The following COL25A1 variants were observed in gnomAD, a reference collection of about 807,000 sequenced individuals.
COL25A1 encodes the protein collagen type XXV alpha 1 chain, also known as collagen alpha-1(XXV) chain.
A neutral mutation model predicts 128.4 loss-of-function variants in COL25A1; 103 were observed. The ratio of observed to expected loss-of-function variants is 0.80; its 90% CI spans 0.68 to 0.94. The LOEUF (loss-of-function observed/expected upper bound fraction) is 0.94. Ranked by LOEUF, COL25A1 falls within the 40% of genes least tolerant of loss-of-function variation. COL25A1 has a pLI of 0.00. For synonymous variants in COL25A1, 279 were observed against 277.2 expected (o/e 1.01, Z -0.06); for missense variants, 745 against 840.0 (o/e 0.89, Z 1.40).
At chr4:108,937,373 A>C (rs1336671788) in intron 11 of COL25A1, among the ~76,000 whole-genome samples, 2 of 152,156 alleles carry the variant, frequency 1.3e-5, no homozygotes, top group African/African-American at 4.8e-5. Flanking sequence ...AAAAGGCACA[A>C]CGATTTTTCT....
intron 3 of COL25A1, among the ~76,000 whole-genome samples, chr4:109,294,130 G>A (rs1467004308): frequency 7.2e-5 from 11 of 152,052 alleles, no homozygotes; most frequent in Admixed American, 6.6e-4. Context: ...ATTGCAAACA[G>A]AAGTCAAAAG....
intron 3 of COL25A1, among the ~76,000 whole-genome samples, chr4:109,145,980 C>CAAAT (rs1388436808): frequency 6.6e-6 from 1 of 152,114 alleles, no homozygotes; most frequent in Non-Finnish European, 1.5e-5. Context: ...GGTAATTGTG[C>CAAAT]AAATTGAAGC....
intron 3 of COL25A1, among the ~76,000 whole-genome samples, chr4:109,133,052 A>G (rs939438607): frequency 2.0e-5 from 3 of 152,102 alleles, no homozygotes; most frequent in Non-Finnish European, 2.9e-5. Flanking sequence ...GTTTCAATAT[A>G]GAATTCATTT....
At chr4:109,260,865 TATAAAA>T (rs1781404057) in intron 3 of COL25A1, among the ~76,000 whole-genome samples, 1 of 152,036 alleles carries the variant, frequency 6.6e-6, no homozygotes, top group Non-Finnish European at 1.5e-5. Context: ...AAAACAATAT[TATAAAA>T]GAAAAAAGAT....
intron 5 of COL25A1, among the ~76,000 whole-genome samples, chr4:109,030,130 C>G (rs571681423): frequency 6.6e-6 from 1 of 152,298 alleles, no homozygotes; most frequent in African/African-American, 2.4e-5. Flanking sequence ...GAGACACAAG[C>G]AGCAGAAGGC....
intron 3 of COL25A1, among the ~76,000 whole-genome samples, chr4:109,265,518 C>CGTGTGT (rs57643656): frequency 0.025 from 3,279 of 129,648 alleles, 75 homozygotes; most frequent in Middle Eastern, 0.051. Context: ...AATAACAGTA[C>CGTGTGT]GTGTGTGTGT....
chr4:108,842,739 ACAGGCTGTAG>A (rs1381250714), intron 30 of COL25A1, among the ~76,000 whole-genome samples: 6 of 152,314 alleles, frequency 3.9e-5, no homozygotes, highest in African/African-American at 1.4e-4. Context: ...TATGATATGA[ACAGGCTGTAG>A]CATTTTCTAA....
In COL25A1 at chr4:108,813,387, C is replaced by T. The variant is rs1236170225; in HGVS notation, c.*540G>A. The T allele has an allele frequency of 6.5e-6, 1 of 153,124 alleles. No individual in the cohort carries two copies. Among genetic ancestry groups the T allele is most frequent in the Non-Finnish European group, 1.5e-5 (1 of 68,680 alleles). The allele number at this position is 153,124 out of a possible 1,614,324, so 9.5% of individuals were successfully genotyped here. On this transcript the variant is annotated 3_prime_UTR_variant, in exon 38 of 38. Coordinates refer to ENST00000399132, the MANE Select transcript of COL25A1 (RefSeq NM_198721.4). ...AATCAAAGGACTCCTGATCAACATG[C>T]TAGCATCTGAAGTTGCACAGCAAGC... is the stretch of plus-strand genomic sequence containing the variant.
intron 11 of COL25A1, among the ~76,000 whole-genome samples, chr4:108,923,490 C>T (rs767964994): frequency 2.0e-5 from 3 of 150,602 alleles, no homozygotes; most frequent in Non-Finnish European, 4.4e-5. Flanking sequence ...GGACTACAAG[C>T]ACATGTCACC....
chr4:108,853,609 T>C (rs1353732470), intron 24 of COL25A1, among the ~76,000 whole-genome samples: 1 of 152,162 alleles, frequency 6.6e-6, no homozygotes, highest in African/African-American at 2.4e-5. Flanking sequence ...CGTGGTTTGC[T>C]GCACCCATCA....
chr4:109,197,508 TA>T lies in COL25A1; in HGVS notation c.367+103074del, dbSNP rs1482204228. Reference sequence around the variant, plus strand: ...ATATTATATATAAATATATATTATATAATATTTATATATAATATTATACATA... The same window carrying T: ...ATATTATATATAAATATATATTATATATATTTATATATAATATTATACATA... On this transcript the variant is annotated intron_variant, in intron 3 of 37. Coordinates refer to ENST00000399132, the MANE Select transcript of COL25A1 (RefSeq NM_198721.4). Among the ~76,000 whole-genome samples the T allele has an allele frequency of 1.1e-3, 145 of 131,546 alleles. 1 individual carries two copies. Among genetic ancestry groups the T allele is most frequent in the African/African-American group, 3.8e-3 (134 of 35,086 alleles). 86.3% of individuals were successfully genotyped at this position (131,546 alleles called of 152,430 possible). A position where few individuals can be genotyped will look rare whatever the true frequency, so the allele number is the denominator to read the frequency against.
intron 3 of COL25A1, among the ~76,000 whole-genome samples, chr4:109,128,865 A>G (rs1579455304): frequency 6.6e-6 from 1 of 152,326 alleles, no homozygotes; most frequent in East Asian, 1.9e-4. Flanking sequence ...ACTGACCAGT[A>G]TTACTTGTAG....
At chr4:109,088,474 G>C (rs546541246) in intron 3 of COL25A1, among the ~76,000 whole-genome samples, 1 of 152,244 alleles carries the variant, frequency 6.6e-6, no homozygotes, top group Non-Finnish European at 1.5e-5. Context: ...TAATTTATGA[G>C]TAATACTGTA....
intron 3 of COL25A1, among the ~76,000 whole-genome samples, chr4:109,233,514 C>T (rs371595313): frequency 1.0e-4 from 15 of 149,558 alleles, no homozygotes; most frequent in African/African-American, 3.5e-4. Context: ...TATCTAATTC[C>T]ATTTGTTTGA....
chr4:109,177,090 T>C (rs1465891146), intron 3 of COL25A1, among the ~76,000 whole-genome samples: 1 of 152,156 alleles, frequency 6.6e-6, no homozygotes, highest in Non-Finnish European at 1.5e-5. Context: ...TAGGAATGAA[T>C]AGCAGGAAGG....
chr4:109,183,191 T>C (rs1265461285), intron 3 of COL25A1, among the ~76,000 whole-genome samples: 1 of 151,956 alleles, frequency 6.6e-6, no homozygotes, highest in Non-Finnish European at 1.5e-5. Flanking sequence ...AAAGGAAATT[T>C]TAAATTAAAT....
Position 108,941,482 on chromosome 4 carries a change from G to A in COL25A1, c.493-45C>T, listed in dbSNP as rs150207802. The A allele has an allele frequency of 1.1e-3, 1,624 of 1,417,152 alleles. 11 individuals carry two copies. In the African/African-American group the frequency reaches 0.015, roughly 13 times the overall value. 87.8% of individuals were successfully genotyped at this position (1,417,152 alleles called of 1,614,324 possible). On this transcript the variant is annotated intron_variant, in intron 8 of 37. Coordinates refer to ENST00000399132, the MANE Select transcript of COL25A1 (RefSeq NM_198721.4). The stretch of plus-strand genomic sequence containing the variant: ...CAAAGGTTGAAGTTCAGAGATGAGA[G>A]AGTTGAAGAATAGACATCAGAAGGC...
chr4:109,233,795 C>G (rs1779303299), intron 3 of COL25A1, among the ~76,000 whole-genome samples: 1 of 152,050 alleles, frequency 6.6e-6, no homozygotes, highest in African/African-American at 2.4e-5. Flanking sequence ...TTATAGGCTT[C>G]CAGAGGCCAA....
intron 3 of COL25A1, among the ~76,000 whole-genome samples, chr4:109,064,821 T>C (rs1762266624): frequency 1.3e-5 from 2 of 152,188 alleles, no homozygotes; most frequent in South Asian, 4.1e-4. Flanking sequence ...CTCTAGTACC[T>C]ACAAAAGCCC....
Sources: gnomAD v4.1 joint callset for allele counts (sites outside exome capture counted in the v4.1 genomes callset) on GRCh38, gnomAD v4.1.1 for gene constraint, MANE v1.5 for transcripts, NCBI Gene and HGNC (gene_info 2026-07-23, HGNC 2026-07-21) for gene names.